The following PDE4D variants were observed in gnomAD, a reference collection of about 807,000 sequenced individuals.
The protein encoded by PDE4D is 3',5'-cyclic-AMP phosphodiesterase 4D.
A neutral mutation model predicts 87.4 loss-of-function variants in PDE4D; 24 were observed. That is an observed-to-expected ratio of 0.27 (90% CI 0.20 to 0.39). The LOEUF (loss-of-function observed/expected upper bound fraction) is 0.39, where lower values mean the gene tolerates loss of function less well. Among genes scored for constraint, PDE4D ranks in the 10% least tolerant of loss-of-function variants. The pLI, the probability that PDE4D is intolerant of heterozygous loss-of-function variation, is 1.00. For missense variants in PDE4D, 714 were observed against 1,041.0 expected, an observed-to-expected ratio of 0.69 and a Z score of 4.32; for synonymous variants, 384 against 383.2, an observed-to-expected ratio of 1.00 and a Z score of -0.02.
At chr5:59,230,084 G>A (rs189008675) in intron 1 of PDE4D, among the ~76,000 whole-genome samples, 172 of 152,306 alleles carry the variant, frequency 1.1e-3, no homozygotes, top group African/African-American at 4.0e-3. Context: ...ACCGTACCCA[G>A]CTGCACCTTC....
chr5:60,023,892 C>T (rs575021853), intron 2 of PDE4D, among the ~76,000 whole-genome samples: 1 of 152,264 alleles, frequency 6.6e-6, no homozygotes, highest in East Asian at 1.9e-4. Context: ...ACTGTGACCA[C>T]AGATATCACT....
At chr5:59,762,659 T>C (rs1348251135) in intron 1 of PDE4D, among the ~76,000 whole-genome samples, 2 of 136,704 alleles carry the variant, frequency 1.5e-5, no homozygotes, top group African/African-American at 5.2e-5. Context: ...TATATGTGTA[T>C]ATAGGTACGT....
intron 1 of PDE4D, among the ~76,000 whole-genome samples, chr5:59,295,504 T>A (rs989389431): frequency 1.3e-5 from 2 of 152,168 alleles, no homozygotes; most frequent in Admixed American, 1.3e-4. Context: ...CAGGTAGCTC[T>A]TCAGGTGCCC....
chr5:59,070,033 A>C (rs1475310181), intron 5 of PDE4D, among the ~76,000 whole-genome samples: 1 of 152,158 alleles, frequency 6.6e-6, no homozygotes, highest in African/African-American at 2.4e-5. Context: ...AGAAGGAATA[A>C]ACATTTTTAT....
At chr5:59,249,934 G>A (rs992542213) in intron 1 of PDE4D, among the ~76,000 whole-genome samples, 3 of 152,014 alleles carry the variant, frequency 2.0e-5, no homozygotes, top group African/African-American at 4.8e-5. Context: ...ATGGCTCACT[G>A]CACCCTGAAC....
At chr5:60,386,459 T>C (rs919753249) in intron 1 of PDE4D, among the ~76,000 whole-genome samples, 6 of 152,216 alleles carry the variant, frequency 3.9e-5, no homozygotes, top group African/African-American at 7.2e-5. Flanking sequence ...TGCCTTCACA[T>C]TGAACCCAAT....
At chr5:60,225,568 G>C (rs1744992835) in intron 1 of PDE4D, among the ~76,000 whole-genome samples, 3 of 152,052 alleles carry the variant, frequency 2.0e-5, no homozygotes, top group Admixed American at 2.0e-4. Context: ...AATCATCTGA[G>C]AGACTGTGAG....
intron 1 of PDE4D, among the ~76,000 whole-genome samples, chr5:59,407,439 A>T (rs1425351672): frequency 6.6e-6 from 1 of 152,200 alleles, no homozygotes; most frequent in Non-Finnish European, 1.5e-5. Context: ...CAATGCCACA[A>T]CAGCCTAATA....
chr5:59,806,734 T>C (rs1359022281), intron 1 of PDE4D, among the ~76,000 whole-genome samples: 1 of 152,204 alleles, frequency 6.6e-6, no homozygotes, highest in Admixed American at 6.5e-5. Flanking sequence ...CTATATTTTT[T>C]CAAATATTTT....
intron 1 of PDE4D, among the ~76,000 whole-genome samples, chr5:60,508,822 A>G (rs1352180581): frequency 6.6e-6 from 1 of 152,196 alleles, no homozygotes; most frequent in Non-Finnish European, 1.5e-5. Flanking sequence ...CAGCAGCTCT[A>G]TAACTCATGT....
rs143651239 is a variant in PDE4D, at chr5:59,496,186, G to A, written c.456-280218C>T. On this transcript the variant is annotated intron_variant, in intron 1 of 14. Transcript: ENST00000340635. The stretch of plus-strand genomic sequence containing the variant: ...CCTATGACTGCCACGACCAAACTCC[G>A]CGTCATTCCTCTGCTGGACGGCCTG... Among the ~76,000 whole-genome samples, 55 of 152,168 alleles carry A rather than the reference G, an allele frequency of 3.6e-4. 1 individual carries two copies. In the East Asian group the frequency reaches 0.01, roughly 28 times the overall value.
chr5:59,303,184 C>T (rs922133140), intron 1 of PDE4D, among the ~76,000 whole-genome samples: 1 of 152,086 alleles, frequency 6.6e-6, no homozygotes, highest in Non-Finnish European at 1.5e-5. Flanking sequence ...ATTTGTATAT[C>T]TTCTTTTGTG....
rs963872552 is a variant in PDE4D, at chr5:60,271,654, C to T, written c.-89-85967G>A. Reference sequence around the variant, plus strand: ...TTTTAATAGCTCCAAGACTTCCCTGCGCTAATCTGGTTTTCAGATAAGACA... The same window carrying T: ...TTTTAATAGCTCCAAGACTTCCCTGTGCTAATCTGGTTTTCAGATAAGACA... On this transcript the variant is annotated intron_variant, in intron 1 of 16. Coordinates refer to the PDE4D transcript ENST00000502484. Among the ~76,000 whole-genome samples the T allele has an allele frequency of 8.5e-5, 13 of 152,236 alleles. No homozygotes were observed. The Middle Eastern group carries it at 0.01, about 119-fold the overall frequency.
chr5:60,288,634 A>G (rs1752627747), intron 1 of PDE4D, among the ~76,000 whole-genome samples: 1 of 152,230 alleles, frequency 6.6e-6, no homozygotes, highest in Admixed American at 6.5e-5. Flanking sequence ...ATTTTATTTC[A>G]CAGACAACTC....
intron 1 of PDE4D, among the ~76,000 whole-genome samples, chr5:59,826,588 T>G (rs944901689): frequency 1.3e-5 from 2 of 152,060 alleles, no homozygotes; most frequent in Admixed American, 6.6e-5. Flanking sequence ...TGAGAACATT[T>G]TGAATAAGTA....
intron 1 of PDE4D, among the ~76,000 whole-genome samples, chr5:59,603,640 A>G (rs1207633532): frequency 6.6e-6 from 1 of 151,964 alleles, no homozygotes; most frequent in Non-Finnish European, 1.5e-5. Context: ...CAATCCCACT[A>G]CTAGGTATAT....
chr5:60,350,535 G>A (rs1290612038), intron 1 of PDE4D, among the ~76,000 whole-genome samples: 3 of 152,208 alleles, frequency 2.0e-5, no homozygotes, highest in Admixed American at 6.5e-5. Flanking sequence ...TACATTCAAT[G>A]AGTGAAAAGT....
At chr5:60,396,753 C>A (rs1455991778) in intron 1 of PDE4D, among the ~76,000 whole-genome samples, 4 of 152,196 alleles carry the variant, frequency 2.6e-5, no homozygotes, top group African/African-American at 9.7e-5. Context: ...AGTTAGGTAT[C>A]TATGCCAGCT....
intron 1 of PDE4D, among the ~76,000 whole-genome samples, chr5:60,474,105 C>CATATATATATATATATATATAT (rs1158022321): frequency 3.2e-5 from 1 of 30,982 alleles, no homozygotes; most frequent in African/African-American, 7.8e-5. Flanking sequence ...TTTGAGCTGC[C>CATATATATATATATATATATAT]ATATATATAT....
Sources: gnomAD v4.1 joint callset for allele counts (sites outside exome capture counted in the v4.1 genomes callset) on GRCh38, gnomAD v4.1.1 for gene constraint, MANE v1.5 for transcripts, NCBI Gene and HGNC (gene_info 2026-07-23, HGNC 2026-07-21) for gene names.